ARHGEF10L: variants seen among roughly 807,000 people sequenced by gnomAD.
ARHGEF10L encodes the protein rho guanine nucleotide exchange factor 10-like protein.
Under a neutral mutation model 141.2 loss-of-function variants are expected in ARHGEF10L, and 69 were observed. The observed-to-expected ratio is 0.49, with a 90% CI of 0.40 to 0.60. The LOEUF (loss-of-function observed/expected upper bound fraction) is 0.60, where lower values mean the gene tolerates loss of function less well. Among genes scored for constraint, ARHGEF10L ranks in the 20% least tolerant of loss-of-function variants. The pLI is 0.00. For missense variants in ARHGEF10L, 1,482 were observed against 1,734.3 expected, an observed-to-expected ratio of 0.85 and a Z score of 2.58; for synonymous variants, 711 against 718.5, an observed-to-expected ratio of 0.99 and a Z score of 0.17.
intron 2 of ARHGEF10L, among the ~76,000 whole-genome samples, chr1:17,585,551 G>A (rs113483726): frequency 0.012 from 1,869 of 152,274 alleles, 40 homozygotes; most frequent in African/African-American, 0.042. Context: ...CTCCTCCTCC[G>A]TGGCCTCAGA....
intron 4 of ARHGEF10L, among the ~76,000 whole-genome samples, chr1:17,600,930 A>G (rs2080590661): frequency 6.6e-6 from 1 of 151,724 alleles, no homozygotes; most frequent in Non-Finnish European, 1.5e-5. Context: ...CATGCCTGTA[A>G]TTCCAGCTAC....
At chr1:17,587,712 C>T in intron 3 of ARHGEF10L, 67 bp downstream of exon 3, 4 of 1,497,198 alleles carry the variant, frequency 2.7e-6, no homozygotes, top group Non-Finnish European at 3.6e-6. Context: ...GCGGAAGCTC[C>T]AGGCTCTCAG....
At position 17,624,465 on chromosome 1, in the gene ARHGEF10L, G is replaced by C; in HGVS notation, c.1279G>C (p.Ala427Pro). Residue 427 changes from alanine to proline, a missense_variant, in exon 13 of 29, where the codon GCC (alanine) becomes CCC (proline). Ala to Pro is a conservative substitution (Grantham distance 27, BLOSUM62 -1). Transcript: ENST00000361221. ...FTSAMSIIKK[A>P]CLTKPAFLEF... ...CAGTGCCATGTCCATCATCAAGAAG[G>C]CCTGCCTCACCAAGCCTGCCTTCCT... is the stretch of plus-strand genomic sequence containing the variant. 1 of 1,614,240 alleles carries C rather than the reference G, an allele frequency of 6.2e-7. No individual in the cohort carries two copies. Among genetic ancestry groups the C allele is most frequent in the Middle Eastern group, 1.6e-4 (1 of 6,062 alleles).
At chr1:17,605,423 GGA>G (rs1348257850) in intron 6 of ARHGEF10L, among the ~76,000 whole-genome samples, 7 of 152,130 alleles carry the variant, frequency 4.6e-5, no homozygotes, top group African/African-American at 1.7e-4. Context: ...TAATTGATGA[GGA>G]CACTGAGCAG....
At chr1:17,608,625 T>C (rs1361671842) in intron 7 of ARHGEF10L, among the ~76,000 whole-genome samples, 1 of 152,180 alleles carries the variant, frequency 6.6e-6, no homozygotes, top group Non-Finnish European at 1.5e-5. Context: ...TGGTTCCTTC[T>C]TTCCCATGGC....
At chr1:17,580,300 G>A (rs1293635830) in intron 1 of ARHGEF10L, among the ~76,000 whole-genome samples, 1 of 152,242 alleles carries the variant, frequency 6.6e-6, no homozygotes, top group Non-Finnish European at 1.5e-5. Context: ...GGTCCCTGCA[G>A]GTCCCTTGGC....
intron 25 of ARHGEF10L, among the ~76,000 whole-genome samples, chr1:17,660,307 C>T (rs2062539209): frequency 6.6e-6 from 1 of 152,190 alleles, no homozygotes; most frequent in African/African-American, 2.4e-5. Context: ...ATGGGTTGGG[C>T]ATCAGGCTGC....
chr1:17,532,371 A>G, the ARHGEF10L span, among the ~76,000 whole-genome samples: 35 of 152,274 alleles, frequency 2.3e-4, no homozygotes, highest in African/African-American at 8.2e-4. Flanking sequence ...CCAGGCCCCA[A>G]GCTGAGAAAT....
chr1:17,587,608 C>G lies in ARHGEF10L; in HGVS notation c.186C>G (p.Asp62Glu), dbSNP rs201247982. 1.9e-6 allele frequency: 3 copies of G among 1,613,772 alleles called. No homozygotes were observed. The highest frequency in any genetic ancestry group is 2.7e-5 in the African/African-American group (2 of 75,052). The change falls in exon 3 of 29, where the codon GAC becomes GAG. Residue 62 changes from aspartate (D) to glutamate (E), a missense_variant. Asp to Glu is a conservative substitution (Grantham distance 45, BLOSUM62 2). This residue lies in a region of ARHGEF10L where 232 missense variants were observed against 225.9 expected (regional missense o/e 1.03). Coordinates refer to ENST00000361221, the MANE Select transcript of ARHGEF10L (RefSeq NM_018125.4). ...GCCTTGCTCCTGAGAGGGACACAGA[C>G]CCCCCACTGATCCACTTGGACTCCA... ...VPSLAPERDT[D>E]PPLIHLDSIP...
chr1:17,643,603 G>A (rs531037802), intron 21 of ARHGEF10L, among the ~76,000 whole-genome samples: 6 of 152,302 alleles, frequency 3.9e-5, no homozygotes, highest in South Asian at 4.1e-4. Context: ...TGTGGGTTCC[G>A]TTCCCAGCTC....
intron 1 of ARHGEF10L, among the ~76,000 whole-genome samples, chr1:17,552,591 T>A (rs1267493674): frequency 7.7e-6 from 1 of 130,548 alleles, no homozygotes; most frequent in African/African-American, 2.8e-5. Flanking sequence ...TTTTTTTTTT[T>A]TTTTTTTTTT....
chr1:17,654,592 C>T lies in ARHGEF10L; in HGVS notation c.2395-44C>T. On this transcript the variant is annotated intron_variant, in intron 22 of 28. Transcript: ENST00000361221. The surrounding 1 kb of genome is among the most constrained non-coding windows in gnomAD (Gnocchi z 4.3). ...AATCTGCCAAATATTGGCATCTGGG[C>T]ACCTTGATGATTAACCTCACATGTA... 1 of 1,551,696 alleles carries T rather than the reference C, an allele frequency of 6.4e-7. No individual in the cohort carries two copies. Among genetic ancestry groups the T allele is most frequent in the Admixed American group, 1.7e-5 (1 of 59,962 alleles).
chr1:17,561,114 C>G (rs1479242940), intron 1 of ARHGEF10L, among the ~76,000 whole-genome samples: 1 of 152,174 alleles, frequency 6.6e-6, no homozygotes, highest in Admixed American at 6.5e-5. Flanking sequence ...CATTGTGAGG[C>G]TAAAGTGAGA....
rs753017674 is a variant in ARHGEF10L, at chr1:17,616,168, C to T, written c.801C>T (p.Arg267=). Residue 267 remains arginine (R), a synonymous_variant, in exon 9 of 29, where the codon CGC becomes CGT. Coordinates refer to ENST00000361221, the MANE Select transcript of ARHGEF10L (RefSeq NM_018125.4). ...GLEKTRMAVM[R]KVSFLHRKDV... is the part of the protein sequence containing the mutation. ...AGAAGACACGGATGGCCGTGATGCGCAAAGTCTCCTTCCTGCACAGGAAGG... is the reference window on the plus strand; with the variant it reads ...AGAAGACACGGATGGCCGTGATGCGTAAAGTCTCCTTCCTGCACAGGAAGG... 1.3e-6 allele frequency: 2 copies of T among 1,586,510 alleles called. No individual in the cohort carries two copies. Among genetic ancestry groups the T allele is most frequent in the Non-Finnish European group, 1.7e-6 (2 of 1,162,876 alleles).
At chr1:17,638,030 G>T in intron 19 of ARHGEF10L, 27 bp downstream of exon 19, 2 of 1,552,926 alleles carry the variant, frequency 1.3e-6, no homozygotes, top group South Asian at 1.2e-5. Context: ...GACCTTTTTG[G>T]CCTGAGCTCC....
Position 17,696,854 on chromosome 1 carries a change from G to A in ARHGEF10L, c.3314G>A (p.Gly1105Asp). 1 of 1,544,360 alleles carries A rather than the reference G, an allele frequency of 6.5e-7. No individual in the cohort carries two copies. The highest frequency in any genetic ancestry group is 8.7e-7 in the Non-Finnish European group (1 of 1,144,486). Residue 1105 changes from glycine to aspartate, a missense_variant, in exon 29 of 29, where the codon GGC becomes GAC. Transcript: ENST00000361221. ...LEGIPKITGKGMVSLNGHCGP... is the reference protein window; with the variant it reads ...LEGIPKITGKDMVSLNGHCGP... ...CTCGCCCCATTTTCTGCAGGGAAAG[G>A]CATGGTCTCACTCAACGGGCACTGT...
At chr1:17,626,765 T>C (rs1334714096) in intron 14 of ARHGEF10L, among the ~76,000 whole-genome samples, 1 of 152,214 alleles carries the variant, frequency 6.6e-6, no homozygotes, top group Non-Finnish European at 1.5e-5. Flanking sequence ...CAACTCCCGA[T>C]TCTCCCTCCC....
chr1:17,633,795 C>T (rs566895966), intron 16 of ARHGEF10L, among the ~76,000 whole-genome samples: 69 of 152,324 alleles, frequency 4.5e-4, no homozygotes, highest in African/African-American at 1.5e-3. Context: ...GGCCCTGTAC[C>T]GAGTCAGCTT....
Position 17,619,309 on chromosome 1 carries a change from G to T in ARHGEF10L, c.836-30G>T. 1 of 1,601,474 alleles carries T rather than the reference G, an allele frequency of 6.2e-7. No homozygotes were observed. The highest frequency in any genetic ancestry group is 8.5e-7 in the Non-Finnish European group (1 of 1,170,566). ...AGCAGGGTGTGCTGTCCCTGCCTTA[G>T]CTGTGTCATCGGCCCATCTGACTTT... is the stretch of plus-strand genomic sequence containing the variant. On this transcript the variant is annotated intron_variant, in intron 9 of 28. Transcript: ENST00000361221. This position sits in a 1 kb window ranked among gnomAD's most constrained non-coding sequence, Gnocchi z 5.0.
Sources: gnomAD v4.1 joint callset for allele counts (sites outside exome capture counted in the v4.1 genomes callset) on GRCh38, gnomAD v4.1.1 for gene constraint, gnomAD v4.1.1 regional missense constraint, Gnocchi (gnomAD v3.1) non-coding constraint, MANE v1.5 for transcripts, NCBI Gene and HGNC (gene_info 2026-07-23, HGNC 2026-07-21) for gene names.